OR2L2: variants seen among roughly 807,000 people sequenced by gnomAD.
OR2L2 encodes olfactory receptor 2L2.
For synonymous variants in OR2L2, 156 were observed against 135.4 expected, an observed-to-expected ratio of 1.15 and a Z score of -1.06; for missense variants, 378 against 375.2, an observed-to-expected ratio of 1.01 and a Z score of -0.06.
Position 248,039,411 on chromosome 1 carries a change from T to C in OR2L2, c.*205T>C. 1 of 387,868 alleles carries C rather than the reference T, an allele frequency of 2.6e-6. No homozygotes were observed. The highest frequency in any genetic ancestry group is 4.3e-5 in the Admixed American group (1 of 23,262). 24.0% of individuals were successfully genotyped at this position (387,868 alleles called of 1,614,324 possible). ...CTATTTTGATTTTGTTTGTGTGTGG[T>C]TTTTGTTTGTTTGTTTGTTTGTCTT... is the stretch of plus-strand genomic sequence containing the variant. On this transcript the variant is annotated 3_prime_UTR_variant, in exon 3 of 3. Coordinates refer to ENST00000641771, the MANE Select transcript of OR2L2 (RefSeq NM_001385855.1).
intron 1 of OR2L2, among the ~76,000 whole-genome samples, chr1:248,032,361 A>G (rs1662641541): frequency 1.3e-5 from 2 of 152,104 alleles, no homozygotes; most frequent in Admixed American, 1.3e-4. Context: ...AATATACATA[A>G]GATAAACTGC....
intron 1 of OR2L2, 129 bp downstream of exon 1, chr1:248,030,364 C>T (rs1040272923): frequency 6.6e-6 from 1 of 152,128 alleles, no homozygotes; most frequent in Non-Finnish European, 1.5e-5. Context: ...ACTGTACTTT[C>T]TCTAACACCA....
At chr1:248,034,431 G>A (rs750317052) in intron 1 of OR2L2, among the ~76,000 whole-genome samples, 6 of 150,574 alleles carry the variant, frequency 4.0e-5, no homozygotes, top group Middle Eastern at 3.4e-3. Context: ...TTAAAAAAAC[G>A]TTTTCCAGAT....
At position 248,041,411 on chromosome 1, in the gene OR2L2, A is replaced by AG. The variant is rs1558194776; in HGVS notation, c.*2206dup. On this transcript the variant is annotated 3_prime_UTR_variant, in exon 3 of 3. Coordinates refer to ENST00000641771, the MANE Select transcript of OR2L2 (RefSeq NM_001385855.1). ...GACCTAAAACCATAAAAACCCTAGA[A>AG]GAAAACCTAGGCTTTACCATTCAGG... 2.0e-5 allele frequency: 3 copies of AG among 152,202 alleles called. No homozygotes were observed. The East Asian group carries it at 5.8e-4, about 29-fold the overall frequency. 9.4% of individuals were successfully genotyped at this position (152,202 alleles called of 1,614,324 possible). A position where few individuals can be genotyped will look rare whatever the true frequency, so the allele number is the denominator to read the frequency against.
intron 1 of OR2L2, among the ~76,000 whole-genome samples, chr1:248,034,475 A>G (rs537897701): frequency 4.1e-4 from 62 of 152,342 alleles, no homozygotes; most frequent in African/African-American, 1.5e-3. Context: ...GAAATTCCAT[A>G]GAAATTTTAG....
chr1:248,038,384 T>C lies in OR2L2; in HGVS notation c.117T>C (p.Ile39=). 6.2e-7 allele frequency: 1 copy of C among 1,613,392 alleles called. No individual in the cohort carries two copies. The change falls in exon 3 of 3, where the codon ATT becomes ATC. Residue 39 remains isoleucine (I), a synonymous_variant. Coordinates refer to ENST00000641771, the MANE Select transcript of OR2L2 (RefSeq NM_001385855.1). The part of the protein sequence containing the change: ...LIFLIFLMAL[I]GNLSMILLIF... ...TTCTCATTTTCCTAATGGCTCTAAT[T>C]GGAAATCTATCCATGATTCTTCTCA...
rs1486806581 is a variant in OR2L2 at position 248,042,287 on chromosome 1, T to C, written c.*3081T>C. 7.1e-6 allele frequency: 1 copy of C among 139,932 alleles called. No homozygotes were observed. Among genetic ancestry groups the C allele is most frequent in the Non-Finnish European group, 1.5e-5 (1 of 66,416 alleles). The allele number at this position is 139,932 out of a possible 1,614,324, so 8.7% of individuals were successfully genotyped here. ...ACCAAACACCGCATATTCTCACTCA[T>C]AGGTGGGAATTGAACAATGAGAACA... On this transcript the variant is annotated 3_prime_UTR_variant, in exon 3 of 3. Coordinates refer to ENST00000641771, the MANE Select transcript of OR2L2 (RefSeq NM_001385855.1).
chr1:248,036,451 AACTC>A (rs1262006179), intron 2 of OR2L2, among the ~76,000 whole-genome samples: 1 of 152,174 alleles, frequency 6.6e-6, no homozygotes, highest in Non-Finnish European at 1.5e-5. Context: ...TAATTTTAAA[AACTC>A]ACTCTTTTTG....
In OR2L2 at chr1:248,035,538, G is replaced by A. The variant is rs1662737224; in HGVS notation, c.-96-12G>A. 1 of 152,068 alleles carries A rather than the reference G, an allele frequency of 6.6e-6. No homozygotes were observed. Among genetic ancestry groups the A allele is most frequent in the African/African-American group, 2.4e-5 (1 of 41,394 alleles). The allele number at this position is 152,068 out of a possible 1,614,324, so 9.4% of individuals were successfully genotyped here. On this transcript the variant is annotated splice_polypyrimidine_tract_variant and intron_variant, in intron 1 of 2. Transcript: ENST00000641771. ...GACATAATTTTTACATCACTTTAAT[G>A]TTTTATTCAAGTAATGCGTAGACAT... is the stretch of plus-strand genomic sequence containing the variant.
chr1:248,033,755 T>G (rs568325044), intron 1 of OR2L2, among the ~76,000 whole-genome samples: 3 of 152,212 alleles, frequency 2.0e-5, no homozygotes, highest in African/African-American at 7.2e-5. Flanking sequence ...TCTTTTCTTC[T>G]ATTGTTATAC....
chr1:248,036,199 C>A (rs1467358481), intron 2 of OR2L2, among the ~76,000 whole-genome samples: 1 of 151,752 alleles, frequency 6.6e-6, no homozygotes, highest in African/African-American at 2.4e-5. Context: ...TATGTTGGTC[C>A]TGTTGCATTA....
chr1:248,033,231 G>T lies in OR2L2; in HGVS notation c.-96-2319G>T, dbSNP rs575662893. Among the ~76,000 whole-genome samples, 379 of 152,108 alleles carry T rather than the reference G, an allele frequency of 2.5e-3. 2 individuals are homozygous for T. The highest frequency in any genetic ancestry group is 8.3e-3 in the African/African-American group (344 of 41,520). On this transcript the variant is annotated intron_variant, in intron 1 of 2. Coordinates refer to ENST00000641771, the MANE Select transcript of OR2L2 (RefSeq NM_001385855.1). ...TTTTAGCTCTTACACTTAGGTCTTT[G>T]ATTTATTTTGACTTAATTTTTCTAT...
chr1:248,035,945 A>T (rs1317769513), intron 2 of OR2L2, among the ~76,000 whole-genome samples: 1 of 152,188 alleles, frequency 6.6e-6, no homozygotes, highest in Non-Finnish European at 1.5e-5. Flanking sequence ...ATACATATAT[A>T]CATAGATTTC....
intron 2 of OR2L2, 104 bp from the exon 3 acceptor site, chr1:248,038,143 C>T: frequency 3.0e-6 from 2 of 668,340 alleles, no homozygotes; most frequent in South Asian, 3.7e-5. Flanking sequence ...ATATAGGGTT[C>T]AGTATCAACC....
chr1:248,038,965 GGAA>G lies in OR2L2; in HGVS notation c.703_705del (p.Lys235del). On this transcript the variant is annotated inframe_deletion, in exon 3 of 3. Coordinates refer to ENST00000641771, the MANE Select transcript of OR2L2 (RefSeq NM_001385855.1). ...TACCGCATGCACTCTGCAGAAGGGA[GGAA>G]GAAGGCCTATTCAACCTGTAGCACC... The G allele has an allele frequency of 3.7e-6, 6 of 1,614,090 alleles. No individual in the cohort carries two copies. The highest frequency in any genetic ancestry group is 5.1e-6 in the Non-Finnish European group (6 of 1,180,008).
chr1:248,039,472 A>C lies in OR2L2; in HGVS notation c.*266A>C. On this transcript the variant is annotated 3_prime_UTR_variant, in exon 3 of 3. Coordinates refer to ENST00000641771, the MANE Select transcript of OR2L2 (RefSeq NM_001385855.1). ...TTTGGCTCTTGTTGCCCAGGCTCTA[A>C]TGCAATGGCGCAATCTCAGCTCCCC... The C allele has an allele frequency of 3.8e-6, 1 of 261,590 alleles. No homozygotes were observed. Among genetic ancestry groups the C allele is most frequent in the Non-Finnish European group, 7.4e-6 (1 of 134,754 alleles). 16.2% of individuals were successfully genotyped at this position (261,590 alleles called of 1,614,324 possible).
At chr1:248,030,543 A>G (rs1271427701) in intron 1 of OR2L2, among the ~76,000 whole-genome samples, 1 of 152,190 alleles carries the variant, frequency 6.6e-6, no homozygotes, top group Non-Finnish European at 1.5e-5. Context: ...AAGAACCCAC[A>G]TTCACAATAA....
Position 248,033,320 on chromosome 1 carries a change from G to A in OR2L2, c.-96-2230G>A, listed in dbSNP as rs185987483. 2.3e-4 allele frequency among the ~76,000 whole-genome samples: 35 copies of A among 152,206 alleles called. No homozygotes were observed. The South Asian group carries it at 5.8e-3, about 25-fold the overall frequency. On this transcript the variant is annotated intron_variant, in intron 1 of 2. Transcript: ENST00000641771. ...GTAGATATCTAGTTTTTCAAACACC[G>A]TTTGTTGAAAAGACTGTCCCTTCCA...
At position 248,038,434 on chromosome 1, in the gene OR2L2, C is replaced by A. The variant is rs1483196920; in HGVS notation, c.167C>A (p.Thr56Lys). The A allele has an allele frequency of 6.2e-7, 1 of 1,613,796 alleles. No homozygotes were observed. Among genetic ancestry groups the A allele is most frequent in the South Asian group, 1.1e-5 (1 of 91,070 alleles). Residue 56 changes from threonine to lysine, a missense_variant, in exon 3 of 3, where the codon ACA (threonine) becomes AAA (lysine). Thr to Lys is a moderately conservative substitution (Grantham distance 78, BLOSUM62 -1). Transcript: ENST00000641771. ...ATCTTTTTGGACATCCATCTCCACA[C>A]ACCTATGTATTTCCTACTTAGTCAG... ...LLIFLDIHLHTPMYFLLSQLS... is the reference protein window; with the variant it reads ...LLIFLDIHLHKPMYFLLSQLS...
Sources: gnomAD v4.1 joint callset for allele counts (sites outside exome capture counted in the v4.1 genomes callset) on GRCh38, gnomAD v4.1.1 for gene constraint, MANE v1.5 for transcripts, NCBI Gene and HGNC (gene_info 2026-07-23, HGNC 2026-07-21) for gene names.